Variants in GALNT13 observed in about 807,000 individuals in gnomAD.
The protein encoded by GALNT13 is polypeptide N-acetylgalactosaminyltransferase 13.
Under a neutral mutation model 64.2 loss-of-function variants are expected in GALNT13, and 28 were observed. That is an observed-to-expected ratio of 0.44 (90% CI 0.32 to 0.60). The LOEUF (loss-of-function observed/expected upper bound fraction) is 0.60. Ranked by LOEUF, GALNT13 falls within the 20% of genes least tolerant of loss-of-function variation. GALNT13 has a pLI of 0.05. For missense variants in GALNT13, 577 were observed against 669.8 expected (o/e 0.86, Z 1.53); for synonymous variants, 214 against 224.6 (o/e 0.95, Z 0.42).
intron 9 of GALNT13, among the ~76,000 whole-genome samples, chr2:154,302,505 A>AT (rs1483790381): frequency 2.6e-5 from 4 of 152,146 alleles, no homozygotes; most frequent in African/African-American, 4.8e-5. Context: ...GCATGCTCTG[A>AT]TTTTTGAAGG....
chr2:153,906,659 G>A (rs1235804273), intron 2 of GALNT13, among the ~76,000 whole-genome samples: 7 of 150,810 alleles, frequency 4.6e-5, no homozygotes, highest in African/African-American at 1.7e-4. Context: ...TGGACATTTG[G>A]GTTGGTTCCA....
At chr2:154,318,815 C>T (rs1201271058) in intron 9 of GALNT13, among the ~76,000 whole-genome samples, 1 of 151,814 alleles carries the variant, frequency 6.6e-6, no homozygotes, top group Admixed American at 6.6e-5. Context: ...TGGAATCACC[C>T]AATGGTTAAA....
At chr2:153,409,305 T>TAC in the GALNT13 span, among the ~76,000 whole-genome samples, 2 of 148,886 alleles carry the variant, frequency 1.3e-5, no homozygotes, top group Non-Finnish European at 1.5e-5. Flanking sequence ...TATGTATATA[T>TAC]ATATATGAAT....
intron 10 of GALNT13, among the ~76,000 whole-genome samples, chr2:154,396,410 T>C (rs953430409): frequency 4.6e-5 from 7 of 152,296 alleles, no homozygotes; most frequent in Admixed American, 6.5e-5. Context: ...CCCAAACACC[T>C]TTTGTTCATG....
chr2:153,145,930 C>A, the GALNT13 span, among the ~76,000 whole-genome samples: 1 of 151,834 alleles, frequency 6.6e-6, no homozygotes, highest in Non-Finnish European at 1.5e-5. Flanking sequence ...GAGCCACACT[C>A]ATCATGTTCC....
chr2:153,658,713 A>G, the GALNT13 span, among the ~76,000 whole-genome samples: 2 of 152,024 alleles, frequency 1.3e-5, no homozygotes, highest in East Asian at 3.8e-4. Context: ...GAGATTACAT[A>G]TGTTGTATAA....
At chr2:153,572,342 C>CT in the GALNT13 span, among the ~76,000 whole-genome samples, 109 of 146,096 alleles carry the variant, frequency 7.5e-4, no homozygotes, top group African/African-American at 1.1e-3. Context: ...TATTTTTTCT[C>CT]TCTTTTTTTT....
chr2:154,406,454 C>T (rs1330156436), intron 10 of GALNT13, among the ~76,000 whole-genome samples: 4 of 152,124 alleles, frequency 2.6e-5, no homozygotes, highest in African/African-American at 9.7e-5. Flanking sequence ...CTAACCTGCC[C>T]CTTGCTCACT....
At chr2:154,204,327 A>C (rs2105785522) in intron 4 of GALNT13, among the ~76,000 whole-genome samples, 1 of 152,338 alleles carries the variant, frequency 6.6e-6, no homozygotes, top group Non-Finnish European at 1.5e-5. Flanking sequence ...CTAAAATATA[A>C]GATGTGTCTG....
At chr2:154,348,619 T>C (rs559079853) in intron 9 of GALNT13, among the ~76,000 whole-genome samples, 5 of 152,160 alleles carry the variant, frequency 3.3e-5, no homozygotes, top group African/African-American at 7.2e-5. Flanking sequence ...TATTTTATGT[T>C]TGGGGCTGGC....
rs998065290 is a variant in GALNT13, at chr2:154,138,265, G to T, written c.143-2072G>T. Among the ~76,000 whole-genome samples the T allele has an allele frequency of 2.0e-5, 3 of 151,952 alleles. 1 individual carries two copies. The South Asian group carries it at 6.2e-4, about 31-fold the overall frequency. On this transcript the variant is annotated intron_variant, in intron 3 of 12. Transcript: ENST00000392825. ...CTTCATTTTCCTTCTGAAGACTCCT[G>T]TGTACACATAAAAATACATTTGTAT...
At chr2:154,299,032 A>T (rs1366591435) in intron 8 of GALNT13, among the ~76,000 whole-genome samples, 1 of 146,446 alleles carries the variant, frequency 6.8e-6, no homozygotes, top group Non-Finnish European at 1.5e-5. Context: ...ACAGATACAA[A>T]TATATTATAT....
At chr2:153,193,502 C>T in the GALNT13 span, among the ~76,000 whole-genome samples, 2 of 150,822 alleles carry the variant, frequency 1.3e-5, no homozygotes, top group Non-Finnish European at 3.0e-5. Context: ...TGCTAGATGA[C>T]GAGTTAGTGG....
At chr2:154,387,358 G>A (rs1032147919) in intron 9 of GALNT13, among the ~76,000 whole-genome samples, 1 of 151,950 alleles carries the variant, frequency 6.6e-6, no homozygotes, top group African/African-American at 2.4e-5. Context: ...GATGTTTTGA[G>A]ATTACACATA....
At chr2:153,277,980 G>A in the GALNT13 span, among the ~76,000 whole-genome samples, 1 of 123,866 alleles carries the variant, frequency 8.1e-6, no homozygotes, top group African/African-American at 3.1e-5. Context: ...AGGCTGGAGT[G>A]CAGTGTAGCG....
the GALNT13 span, among the ~76,000 whole-genome samples, chr2:153,722,241 G>A: frequency 1.4e-5 from 2 of 147,594 alleles, no homozygotes; most frequent in Non-Finnish European, 3.0e-5. Context: ...CAGAAATAAA[G>A]ATGTACTTTG....
chr2:154,116,230 C>A (rs560297225), intron 3 of GALNT13, among the ~76,000 whole-genome samples: 1 of 152,152 alleles, frequency 6.6e-6, no homozygotes, highest in Non-Finnish European at 1.5e-5. Flanking sequence ...ACAAAGTCAG[C>A]GTTCCCAGCT....
chr2:154,155,273 A>T (rs1684340426), intron 4 of GALNT13, among the ~76,000 whole-genome samples: 1 of 152,088 alleles, frequency 6.6e-6, no homozygotes, highest in African/African-American at 2.4e-5. Context: ...TTTTAAAAAC[A>T]GCCATTTGAA....
chr2:154,095,612 G>A (rs192574518), intron 3 of GALNT13, among the ~76,000 whole-genome samples: 13 of 152,040 alleles, frequency 8.6e-5, no homozygotes, highest in Admixed American at 7.2e-4. Context: ...AAGAGAAACA[G>A]AAAACAACAG....
Sources: allele counts gnomAD v4.1 joint callset (sites outside exome capture counted in the v4.1 genomes callset), GRCh38; gene constraint gnomAD v4.1.1; transcripts MANE v1.5; gene names NCBI Gene and HGNC (gene_info 2026-07-23, HGNC 2026-07-21).